Variants in APC observed in about 807,000 individuals in gnomAD.
APC encodes the protein APC regulator of Wnt signaling pathway, also known as adenomatous polyposis coli protein.
A neutral mutation model predicts 247.0 loss-of-function variants in APC; 72 were observed. The observed-to-expected ratio is 0.29, with a 90% CI of 0.24 to 0.35. The LOEUF is 0.35. Among genes scored for constraint, APC ranks in the 10% least tolerant of loss-of-function variants. The probability of loss-of-function intolerance (pLI) is 1.00; values close to 1 mark genes in which losing one functional copy is unlikely to be tolerated. For missense variants in APC, 3,400 were observed against 3,360.7 expected (o/e 1.01, Z -0.29); for synonymous variants, 1,254 against 1,162.5 (o/e 1.08, Z -1.60).
chr5:112,835,079 C>T lies in APC; in HGVS notation c.1872C>T (p.Ser624=), dbSNP rs748550745. The change falls in exon 15 of 16, where the codon AGC becomes AGT. Residue 624 remains serine (S), a synonymous_variant. Coordinates refer to ENST00000257430, the MANE Select transcript of APC (RefSeq NM_000038.6). ...AFLVGTLTYR[S]QTNTLAIIES... ...TGGTTGGCACTCTTACTTACCGGAG[C>T]CAGACAAACACTTTAGCCATTATTG... The T allele has an allele frequency of 6.2e-7, 1 of 1,614,066 alleles. No homozygotes were observed. The highest frequency in any genetic ancestry group is 1.7e-5 in the Admixed American group (1 of 60,018).
Position 112,724,475 on chromosome 5 carries a change from T to G in APC, c.165+16593T>G, listed in dbSNP as rs143410124. ...ACCAGGCGCAATACTAGAATACATT[T>G]GAGAATACAATTATGACATACAAGA... On this transcript the variant is annotated intron_variant, in intron 1 of 13. Transcript: ENST00000507379. Among the ~76,000 whole-genome samples the G allele has an allele frequency of 2.6e-3, 392 of 152,284 alleles. 1 individual carries two copies. The highest frequency in any genetic ancestry group is 8.8e-3 in the African/African-American group (367 of 41,548).
At chr5:112,730,770 G>T (rs1752059663) in intron 1 of APC, among the ~76,000 whole-genome samples, 1 of 152,018 alleles carries the variant, frequency 6.6e-6, no homozygotes, top group Admixed American at 6.5e-5. Context: ...TTGGCCACAG[G>T]TTAAGTGAGA....
intron 1 of APC, among the ~76,000 whole-genome samples, chr5:112,714,634 A>T (rs1201458377): frequency 6.6e-6 from 1 of 152,182 alleles, no homozygotes; most frequent in Non-Finnish European, 1.5e-5. Context: ...TCATATCCTC[A>T]TTTCACGTAT....
chr5:112,799,538 G>A lies in APC; in HGVS notation c.730-1741G>A, dbSNP rs147500030. 1.3e-3 allele frequency among the ~76,000 whole-genome samples: 198 copies of A among 152,006 alleles called. 2 individuals are homozygous for A. The highest frequency in any genetic ancestry group is 4.4e-3 in the African/African-American group (182 of 41,454). On this transcript the variant is annotated intron_variant, in intron 7 of 15. Coordinates refer to ENST00000257430, the MANE Select transcript of APC (RefSeq NM_000038.6). The stretch of plus-strand genomic sequence containing the variant: ...TATTAATACATTAGCCTCCTAACTG[G>A]TCTTTCCTATGTTTCCTCCCTACTT...
At chr5:112,747,448 T>C (rs1753816485) in intron 1 of APC, among the ~76,000 whole-genome samples, 1 of 152,212 alleles carries the variant, frequency 6.6e-6, no homozygotes. Flanking sequence ...GCACTGTTTA[T>C]TACTACTTTC....
intron 8 of APC, among the ~76,000 whole-genome samples, chr5:112,804,792 G>A (rs981344770): frequency 6.6e-6 from 1 of 151,968 alleles, no homozygotes. Flanking sequence ...GTAGAAGTTC[G>A]AGTTCAACCT....
At chr5:112,743,064 A>G (rs77940309) in intron 1 of APC, among the ~76,000 whole-genome samples, 1,879 of 152,328 alleles carry the variant, frequency 0.012, 17 homozygotes, top group Non-Finnish European at 0.017. Flanking sequence ...CGTCTCCTCT[A>G]GAGATTCTAT....
At chr5:112,782,554 C>T (rs1758463785) in intron 6 of APC, among the ~76,000 whole-genome samples, 1 of 152,126 alleles carries the variant, frequency 6.6e-6, no homozygotes, top group Non-Finnish European at 1.5e-5. Flanking sequence ...TGTGCATGTG[C>T]ATGTATGTGT....
intron 1 of APC, among the ~76,000 whole-genome samples, chr5:112,749,445 G>C (rs188061983): frequency 4.0e-5 from 6 of 151,684 alleles, no homozygotes; most frequent in Admixed American, 3.9e-4. Context: ...GGATTTGGAG[G>C]AGGAGGGGAA....
intron 2 of APC, among the ~76,000 whole-genome samples, chr5:112,763,622 T>G (rs1330306717): frequency 5.9e-5 from 9 of 152,338 alleles, no homozygotes; most frequent in Admixed American, 2.6e-4. Context: ...GGATTTTTTA[T>G]TTTTAAACTT....
At chr5:112,754,536 A>C (rs1016696797) in intron 1 of APC, among the ~76,000 whole-genome samples, 1 of 152,180 alleles carries the variant, frequency 6.6e-6, no homozygotes, top group African/African-American at 2.4e-5. Flanking sequence ...ATATTTCCTA[A>C]GTTTTGCCTG....
At chr5:112,830,350 TAC>T (rs1246933495) in intron 14 of APC, among the ~76,000 whole-genome samples, 1 of 32,502 alleles carries the variant, frequency 3.1e-5, no homozygotes, top group Non-Finnish European at 6.7e-5. Context: ...AAATTAAAAC[TAC>T]AATGAGATAC....
intron 1 of APC, among the ~76,000 whole-genome samples, chr5:112,712,475 C>T (rs1216690321): frequency 2.0e-5 from 3 of 152,060 alleles, no homozygotes; most frequent in Admixed American, 6.5e-5. Flanking sequence ...TAACCTAGAC[C>T]TCTCAGGCTC....
At chr5:112,707,933 C>A (rs2149631849) in intron 1 of APC, 1 of 1,304,892 alleles carries the variant, frequency 7.7e-7, no homozygotes, top group South Asian at 1.4e-5. Flanking sequence ...GCTTCCTCGG[C>A]TTTGCCCCGC....
chr5:112,763,055 T>G (rs1755841805), intron 2 of APC, among the ~76,000 whole-genome samples: 1 of 152,202 alleles, frequency 6.6e-6, no homozygotes, highest in African/African-American at 2.4e-5. Flanking sequence ...CTTTCCAAGG[T>G]GACTACTTTG....
intron 6 of APC, among the ~76,000 whole-genome samples, chr5:112,791,077 A>G (rs1259243942): frequency 2.0e-5 from 3 of 152,208 alleles, no homozygotes; most frequent in Non-Finnish European, 4.4e-5. Context: ...AGACATTTGC[A>G]AAGTCTTTAT....
intron 2 of APC, among the ~76,000 whole-genome samples, chr5:112,760,364 A>G (rs568836461): frequency 6.6e-6 from 1 of 152,344 alleles, no homozygotes. Context: ...GAAACGCAGA[A>G]TGTTAGCAGG....
chr5:112,844,219 A>G lies in APC; in HGVS notation c.*93A>G. 1 of 1,215,322 alleles carries G rather than the reference A, an allele frequency of 8.2e-7. No homozygotes were observed. The highest frequency in any genetic ancestry group is 2.5e-5 in the East Asian group (1 of 39,598). The allele number at this position is 1,215,322 out of a possible 1,614,324, so 75.3% of individuals were successfully genotyped here. The stretch of plus-strand genomic sequence containing the variant: ...AAATGAAACTTTAAAAGACTGAAAA[A>G]TTTTGTAAATAGGTTTGATTCTTGT... On this transcript the variant is annotated 3_prime_UTR_variant, in exon 16 of 16. Transcript: ENST00000257430.
intron 6 of APC, among the ~76,000 whole-genome samples, chr5:112,788,652 A>G (rs903108620): frequency 1.3e-5 from 2 of 152,264 alleles, no homozygotes; most frequent in Admixed American, 6.5e-5. Flanking sequence ...ATATCCTTCA[A>G]TAAGGTTTTG....
Sources: allele counts gnomAD v4.1 joint callset (sites outside exome capture counted in the v4.1 genomes callset), GRCh38; gene constraint gnomAD v4.1.1; transcripts MANE v1.5; gene names NCBI Gene and HGNC (gene_info 2026-07-23, HGNC 2026-07-21).